The following ADCY5 variants were observed in gnomAD, a reference collection of about 807,000 sequenced individuals.
ADCY5 encodes the protein adenylate cyclase 5.
ADCY5 carries 30 observed loss-of-function variants against 119.7 expected under a neutral mutation model. That is an observed-to-expected ratio of 0.25 (90% CI 0.19 to 0.34). The LOEUF (loss-of-function observed/expected upper bound fraction) is 0.34. ADCY5 is among the 10% of genes least tolerant of loss of function. The probability of loss-of-function intolerance (pLI) is 1.00; values close to 1 mark genes in which losing one functional copy is unlikely to be tolerated. For missense variants in ADCY5, 1,324 were observed against 1,775.2 expected, an observed-to-expected ratio of 0.75 and a Z score of 4.57; for synonymous variants, 753 against 762.2, an observed-to-expected ratio of 0.99 and a Z score of 0.20.
intron 1 of ADCY5, among the ~76,000 whole-genome samples, chr3:123,374,911 G>C (rs1251700256): frequency 1.3e-5 from 2 of 152,328 alleles, no homozygotes; most frequent in Middle Eastern, 3.4e-3. Context: ...CCAATTATGG[G>C]GCACATGATG....
At chr3:123,342,255 G>C (rs1383856953) in intron 3 of ADCY5, among the ~76,000 whole-genome samples, 1 of 152,212 alleles carries the variant, frequency 6.6e-6, no homozygotes, top group Non-Finnish European at 1.5e-5. Flanking sequence ...GAGTATCTCG[G>C]ACATTGTCGC....
intron 2 of ADCY5, among the ~76,000 whole-genome samples, chr3:123,350,852 A>T (rs1054739127): frequency 5.9e-5 from 9 of 152,226 alleles, no homozygotes; most frequent in Non-Finnish European, 1.3e-4. Context: ...TGAGAGGCAC[A>T]GCCCCAAAAA....
At chr3:123,295,051 G>T (rs748259171) in intron 17 of ADCY5, among the ~76,000 whole-genome samples, 1 of 152,206 alleles carries the variant, frequency 6.6e-6, no homozygotes, top group Non-Finnish European at 1.5e-5. Context: ...GATTCTCCCT[G>T]GTTTCCCCAA....
At chr3:123,443,007 C>T (rs116045143) in intron 1 of ADCY5, among the ~76,000 whole-genome samples, 109 of 152,268 alleles carry the variant, frequency 7.2e-4, no homozygotes, top group African/African-American at 2.2e-3. Context: ...TCCAGAAATG[C>T]AGGTGATAGG....
intron 1 of ADCY5, among the ~76,000 whole-genome samples, chr3:123,445,514 C>T (rs1945799083): frequency 6.6e-6 from 1 of 152,172 alleles, no homozygotes; most frequent in Non-Finnish European, 1.5e-5. Flanking sequence ...AGAAAAGCTA[C>T]ATCCACCCAA....
At chr3:123,335,366 C>T (rs991766521) in intron 3 of ADCY5, among the ~76,000 whole-genome samples, 31 of 152,286 alleles carry the variant, frequency 2.0e-4, no homozygotes, top group Middle Eastern at 6.8e-3. Flanking sequence ...GTTGGCCTCA[C>T]CATCATAAAA....
chr3:123,431,341 A>G (rs960042789), intron 1 of ADCY5, among the ~76,000 whole-genome samples: 3 of 152,212 alleles, frequency 2.0e-5, no homozygotes, highest in African/African-American at 7.2e-5. Context: ...AGGCTGAGGC[A>G]GAAGGATCAC....
At chr3:123,376,014 T>C (rs1943820615) in intron 1 of ADCY5, among the ~76,000 whole-genome samples, 1 of 149,390 alleles carries the variant, frequency 6.7e-6, no homozygotes, top group African/African-American at 2.5e-5. Flanking sequence ...GTTGAGAGCA[T>C]GTGTGCAGTA....
chr3:123,384,114 A>G (rs547277552), intron 1 of ADCY5, among the ~76,000 whole-genome samples: 3 of 152,108 alleles, frequency 2.0e-5, no homozygotes. Flanking sequence ...TGAACCCAAT[A>G]AGAAACTCCC....
At position 123,295,287 on chromosome 3, in the gene ADCY5, G is replaced by A. The variant is rs73856900; in HGVS notation, c.3063+797C>T. Among the ~76,000 whole-genome samples the A allele has an allele frequency of 5.1e-3, 775 of 152,330 alleles. 6 individuals are homozygous for A. The highest frequency in any genetic ancestry group is 0.017 in the African/African-American group (714 of 41,574). ...GGTGAGCTGAAGTGGTCTAGAGATA[G>A]GGGCCGGGCCAAGAGAGGCAGAGGC... On this transcript the variant is annotated intron_variant, in intron 17 of 20. Transcript: ENST00000462833.
chr3:123,292,527 G>A (rs1054336886), intron 17 of ADCY5, among the ~76,000 whole-genome samples: 2 of 152,156 alleles, frequency 1.3e-5, no homozygotes, highest in Admixed American at 1.3e-4. Context: ...GGACGCTAAA[G>A]GGCCCCGCCT....
intron 1 of ADCY5, among the ~76,000 whole-genome samples, chr3:123,425,249 C>T (rs963336362): frequency 6.6e-6 from 1 of 152,210 alleles, no homozygotes; most frequent in African/African-American, 2.4e-5. Context: ...ATCATTACAA[C>T]GTCACACTCC....
rs4328752 is a variant in ADCY5 at position 123,299,883 on chromosome 3, C to G, written c.2900+237G>C. Among the ~76,000 whole-genome samples the G allele has an allele frequency of 0.78, 118,420 of 152,236 alleles. 46,115 individuals are homozygous for G. The highest frequency in any genetic ancestry group is 0.87 in the East Asian group (4,517 of 5,172). On this transcript the variant is annotated intron_variant, in intron 15 of 20. Coordinates refer to ENST00000462833, the MANE Select transcript of ADCY5 (RefSeq NM_183357.3). Reference sequence around the variant, plus strand: ...GCCCACTGGAGGCTGCCCTGGCAAGCGGGGAGCAAACCAGAGAAAGAAACA... The same window carrying G: ...GCCCACTGGAGGCTGCCCTGGCAAGGGGGGAGCAAACCAGAGAAAGAAACA...
In ADCY5 at chr3:123,352,795, T is replaced by C. The variant is rs1942887162; in HGVS notation, c.1135-214A>G. On this transcript the variant is annotated intron_variant, in intron 1 of 20. Transcript: ENST00000462833. This position sits in a 1 kb window ranked among gnomAD's most constrained non-coding sequence, Gnocchi z 4.8. ...AGCCAGAAGTTTGGCTGGCTTGTCA[T>C]GGGATATGTCCTCTAAAGACACTGA... Among the ~76,000 whole-genome samples, 1 of 152,184 alleles carries C rather than the reference T, an allele frequency of 6.6e-6. No homozygotes were observed. Among genetic ancestry groups the C allele is most frequent in the African/African-American group, 2.4e-5 (1 of 41,432 alleles).
At position 123,283,161 on chromosome 3, in the gene ADCY5, A is replaced by G. The variant is rs568884482; in HGVS notation, c.*1447T>C. ...CTTTCCGCAAACCTGAAGGCTGCAC[A>G]TTGCATCCCCCAGTCTGAGTGAACA... On this transcript the variant is annotated 3_prime_UTR_variant, in exon 21 of 21. Transcript: ENST00000462833. The G allele has an allele frequency of 2.6e-5, 4 of 152,178 alleles. No homozygotes were observed. In the South Asian group the frequency reaches 8.3e-4, roughly 32 times the overall value. The allele number at this position is 152,178 out of a possible 1,614,324, so 9.4% of individuals were successfully genotyped here. A position where few individuals can be genotyped will look rare whatever the true frequency, so the allele number is the denominator to read the frequency against.
At chr3:123,407,376 T>C (rs1944927134) in intron 1 of ADCY5, among the ~76,000 whole-genome samples, 1 of 152,146 alleles carries the variant, frequency 6.6e-6, no homozygotes, top group Non-Finnish European at 1.5e-5. Flanking sequence ...AAATGTGCTC[T>C]AGCTATAAAA....
intron 1 of ADCY5, among the ~76,000 whole-genome samples, chr3:123,414,302 T>C (rs1479929794): frequency 6.6e-6 from 1 of 152,228 alleles, no homozygotes; most frequent in Non-Finnish European, 1.5e-5. Flanking sequence ...ACACTTACTG[T>C]GCAGCTCTGT....
intron 1 of ADCY5, among the ~76,000 whole-genome samples, chr3:123,353,830 C>G (rs535786316): frequency 6.6e-6 from 1 of 152,192 alleles, no homozygotes. Flanking sequence ...CACAGCTTTG[C>G]GATGGTCCTG....
Position 123,291,295 on chromosome 3 carries a change from CCA to C in ADCY5, c.3143_3144del (p.Val1048GlyfsTer12). On this transcript the variant is annotated frameshift_variant, in exon 18 of 21. Transcript: ENST00000462833. LOFTEE classifies it high-confidence loss of function. Reference protein sequence around the residue: ...RLLHNILPKDVAAHFLARERR... With the variant: ...RLLHNILPKDXAAHFLARERR... Reference sequence around the variant, plus strand: ...CGCTCGCGGGCCAGGAAGTGAGCGGCCACGTCCTTGGGCAGGATGTTGTGCAG... The same window carrying C: ...CGCTCGCGGGCCAGGAAGTGAGCGGCCGTCCTTGGGCAGGATGTTGTGCAG... The C allele has an allele frequency of 6.2e-7, 1 of 1,613,978 alleles. No individual in the cohort carries two copies. Among genetic ancestry groups the C allele is most frequent in the Non-Finnish European group, 8.5e-7 (1 of 1,180,052 alleles).
Sources: allele counts gnomAD v4.1 joint callset (sites outside exome capture counted in the v4.1 genomes callset), GRCh38; gene constraint gnomAD v4.1.1; non-coding constraint Gnocchi (gnomAD v3.1); transcripts MANE v1.5; gene names NCBI Gene and HGNC (gene_info 2026-07-23, HGNC 2026-07-21).